Variants in HTRA3 observed in about 807,000 individuals in gnomAD.
The protein encoded by HTRA3 is HtrA serine peptidase 3.
In HTRA3, 41 loss-of-function variants were observed where a neutral mutation model predicts 43.2. That is an observed-to-expected ratio of 0.95 (90% CI 0.74 to 1.23). The LOEUF (loss-of-function observed/expected upper bound fraction) is 1.23. Among genes scored for constraint, HTRA3 ranks in the 50% most tolerant of loss-of-function variants. HTRA3 has a pLI of 0.00. For synonymous variants in HTRA3, 295 were observed against 287.9 expected (o/e 1.02, Z -0.25); for missense variants, 628 against 647.1 (o/e 0.97, Z 0.32).
chr4:8,278,694 C>A, intron 1 of HTRA3, among the ~76,000 whole-genome samples: 1 of 152,180 alleles, frequency 6.6e-6, no homozygotes, highest in Non-Finnish European at 1.5e-5. Flanking sequence ...CCTGGTGGGG[C>A]CCTGCAGGGG....
At chr4:8,285,164 A>G (rs755760149) in intron 2 of HTRA3, among the ~76,000 whole-genome samples, 22 of 152,110 alleles carry the variant, frequency 1.4e-4, no homozygotes, top group Non-Finnish European at 2.4e-4. Flanking sequence ...CAACACAGAC[A>G]CACTCTGATG....
chr4:8,276,319 A>G (rs1712521382), intron 1 of HTRA3, among the ~76,000 whole-genome samples: 1 of 152,252 alleles, frequency 6.6e-6, no homozygotes, highest in Non-Finnish European at 1.5e-5. Context: ...TCACTGGGCA[A>G]ATGAGATGAT....
chr4:8,300,165 G>A (rs186861061), intron 6 of HTRA3, among the ~76,000 whole-genome samples: 35 of 152,274 alleles, frequency 2.3e-4, no homozygotes, highest in African/African-American at 8.4e-4. Context: ...ATGTATTTAT[G>A]GATTTGATTT....
chr4:8,296,122 A>G lies in HTRA3; in HGVS notation c.1051+1921A>G, dbSNP rs1713445170. On this transcript the variant is annotated intron_variant, in intron 6 of 8. Transcript: ENST00000307358. The surrounding 1 kb of genome is among the most constrained non-coding windows in gnomAD (Gnocchi z 5.3). ...TGGCCTCCTTACTGGAAATTAGCGG[A>G]GCTGCTGTTTGCACACACTGAGCTG... 1.0e-6 allele frequency: 1 copy of G among 1,001,864 alleles called. No individual in the cohort carries two copies. The highest frequency in any genetic ancestry group is 1.2e-6 in the Non-Finnish European group (1 of 841,210). The allele number at this position is 1,001,864 out of a possible 1,614,324, so 62.1% of individuals were successfully genotyped here.
chr4:8,297,639 T>G lies in HTRA3; in HGVS notation c.1051+3438T>G. ...TCCAGCAGAGACTGTGGGAAGGGAG[T>G]GGGGCAGGCTCTGGAGATTGCAGGG... On this transcript the variant is annotated intron_variant, in intron 6 of 8. Coordinates refer to ENST00000307358, the MANE Select transcript of HTRA3 (RefSeq NM_053044.5). This position sits in a 1 kb window ranked among gnomAD's most constrained non-coding sequence, Gnocchi z 5.8. Among the ~76,000 whole-genome samples, 1 of 150,676 alleles carries G rather than the reference T, an allele frequency of 6.6e-6. No individual in the cohort carries two copies. The highest frequency in any genetic ancestry group is 2.4e-5 in the African/African-American group (1 of 40,886).
chr4:8,287,602 C>T (rs899950773), intron 3 of HTRA3, among the ~76,000 whole-genome samples: 6 of 152,068 alleles, frequency 3.9e-5, no homozygotes, highest in African/African-American at 1.4e-4. Context: ...CATCAGATCT[C>T]GTGAGAACTC....
chr4:8,282,403 T>C, intron 1 of HTRA3, 34 bp from the exon 2 acceptor site: 2 of 1,531,666 alleles, frequency 1.3e-6, no homozygotes, highest in African/African-American at 1.4e-5. Context: ...CATCGTGATC[T>C]CACTGATGCA....
rs1176699777 is a variant in HTRA3 at position 8,278,190 on chromosome 4, C to G, written c.386-4247C>G. Among the ~76,000 whole-genome samples the G allele has an allele frequency of 2.6e-5, 4 of 152,074 alleles. No individual in the cohort carries two copies. The East Asian group carries it at 7.7e-4, about 29-fold the overall frequency. ...CCTCTCTCAGGGTTGGCCACAGTCCCCCAGGACTCCTGGGAGTTCCATCAG... is the reference window on the plus strand; with the variant it reads ...CCTCTCTCAGGGTTGGCCACAGTCCGCCAGGACTCCTGGGAGTTCCATCAG... On this transcript the variant is annotated intron_variant, in intron 1 of 8. Transcript: ENST00000307358.
intron 1 of HTRA3, among the ~76,000 whole-genome samples, chr4:8,272,080 G>A (rs536749370): frequency 6.6e-6 from 1 of 152,306 alleles, no homozygotes; most frequent in South Asian, 2.1e-4. Flanking sequence ...CCAGCTGTGT[G>A]CATGGGGGCC....
intron 8 of HTRA3, among the ~76,000 whole-genome samples, chr4:8,305,713 C>T (rs1713817226): frequency 6.6e-6 from 1 of 152,114 alleles, no homozygotes; most frequent in South Asian, 2.1e-4. Context: ...CCTGGCCCAG[C>T]TAGGAGGGCT....
chr4:8,302,571 C>A lies in HTRA3; in HGVS notation c.1100+60C>A, dbSNP rs376527577. On this transcript the variant is annotated intron_variant, in intron 7 of 8. Transcript: ENST00000307358. ...CTTCCTCTCATCCCTCACCCTGACCCTCCCTCCAGACCCTGGCTGGCTGTG... is the reference window on the plus strand; with the variant it reads ...CTTCCTCTCATCCCTCACCCTGACCATCCCTCCAGACCCTGGCTGGCTGTG... 6 of 1,537,132 alleles carry A rather than the reference C, an allele frequency of 3.9e-6. No individual in the cohort carries two copies. In the Admixed American group the frequency reaches 6.7e-5, roughly 17 times the overall value.
rs1478760230 is a variant in HTRA3, at chr4:8,270,348, C to G, written c.380C>G (p.Pro127Arg). The G allele has an allele frequency of 2.1e-6, 3 of 1,410,288 alleles. No homozygotes were observed. Among genetic ancestry groups the G allele is most frequent in the Admixed American group, 3.3e-5 (1 of 30,364 alleles). 87.4% of individuals were successfully genotyped at this position (1,410,288 alleles called of 1,614,324 possible). The change falls in exon 1 of 9, where the codon CCG becomes CGG. Residue 127 changes from proline to arginine, a missense_variant. Physicochemically the swap from Pro to Arg is moderately radical, Grantham distance 103 (BLOSUM62 -2). Transcript: ENST00000307358. ...PVRQLQKGACPLGLHQLSSPR... is the reference protein window; with the variant it reads ...PVRQLQKGACRLGLHQLSSPR... ...CGCCAGCTGCAGAAGGGCGCCTGCC[C>G]GTTGGGTAAGCGCTCGGGGGCCAGG...
At chr4:8,278,054 G>C (rs1248967532) in intron 1 of HTRA3, among the ~76,000 whole-genome samples, 1 of 152,192 alleles carries the variant, frequency 6.6e-6, no homozygotes, top group Non-Finnish European at 1.5e-5. Context: ...TTGTCAGTAA[G>C]GGCCTGGAGT....
intron 1 of HTRA3, among the ~76,000 whole-genome samples, chr4:8,277,006 C>A (rs1712554638): frequency 6.6e-6 from 1 of 152,254 alleles, no homozygotes; most frequent in Non-Finnish European, 1.5e-5. Context: ...AAATCGGGTC[C>A]CGCCTGCGAG....
chr4:8,304,658 T>G (rs1450812379), intron 8 of HTRA3, among the ~76,000 whole-genome samples: 25 of 135,648 alleles, frequency 1.8e-4, no homozygotes, highest in African/African-American at 6.0e-4. Context: ...TTTTTTTTTT[T>G]TTTTTTTTTT....
chr4:8,287,990 G>A (rs9291389), intron 3 of HTRA3, among the ~76,000 whole-genome samples: 6,927 of 152,276 alleles, frequency 0.045, 546 homozygotes, highest in African/African-American at 0.16. Flanking sequence ...GTTGGACCCG[G>A]AGCTTCCCTT....
intron 3 of HTRA3, among the ~76,000 whole-genome samples, chr4:8,289,673 G>A (rs887166550): frequency 5.9e-5 from 9 of 152,200 alleles, no homozygotes; most frequent in Admixed American, 1.3e-4. Flanking sequence ...GGTGGGAAAC[G>A]CCCTCCTAGC....
At position 8,279,009 on chromosome 4, in the gene HTRA3, C is replaced by A. The variant is rs138680345; in HGVS notation, c.386-3428C>A. ...CCCCTCCTCTCTCCGCCCCTCCTCC[C>A]CCTCCATCCCTTCCCTCTGAAATGT... On this transcript the variant is annotated intron_variant, in intron 1 of 8. Transcript: ENST00000307358. The surrounding 1 kb of genome is among the most constrained non-coding windows in gnomAD (Gnocchi z 7.4). Among the ~76,000 whole-genome samples, 25 of 152,294 alleles carry A rather than the reference C, an allele frequency of 1.6e-4. No homozygotes were observed. Among genetic ancestry groups the A allele is most frequent in the African/African-American group, 5.1e-4 (21 of 41,556 alleles).
rs1713848148 is a variant in HTRA3 at position 8,306,299 on chromosome 4, T to C, written c.*163T>C. 2.9e-6 allele frequency: 2 copies of C among 690,304 alleles called. No homozygotes were observed. The highest frequency in any genetic ancestry group is 3.4e-5 in the Admixed American group (1 of 29,644). 42.8% of individuals were successfully genotyped at this position (690,304 alleles called of 1,614,324 possible). On this transcript the variant is annotated 3_prime_UTR_variant, in exon 9 of 9. Coordinates refer to ENST00000307358, the MANE Select transcript of HTRA3 (RefSeq NM_053044.5). The surrounding 1 kb of genome is among the most constrained non-coding windows in gnomAD (Gnocchi z 8.9). ...GGCTGGGCTTGGCCAGGGGCCCGAA[T>C]TTCCGCCTGGGGAGTGTTGGATCCA...
Sources: allele counts gnomAD v4.1 joint callset (sites outside exome capture counted in the v4.1 genomes callset), GRCh38; gene constraint gnomAD v4.1.1; non-coding constraint Gnocchi (gnomAD v3.1); transcripts MANE v1.5; gene names NCBI Gene and HGNC (gene_info 2026-07-23, HGNC 2026-07-21).